The following YTHDC2 variants were observed in gnomAD, a reference collection of about 807,000 sequenced individuals.
The protein encoded by YTHDC2 is YTH N6-methyladenosine RNA binding protein C2, also known as 3'-5' RNA helicase YTHDC2.
In YTHDC2, 45 loss-of-function variants were observed where a neutral mutation model predicts 174.9. The observed-to-expected ratio is 0.26, with a 90% CI of 0.20 to 0.33. The LOEUF (loss-of-function observed/expected upper bound fraction) is 0.33. Among genes scored for constraint, YTHDC2 ranks in the 10% least tolerant of loss-of-function variants. YTHDC2 has a pLI of 1.00. For synonymous variants in YTHDC2, 657 were observed against 574.5 expected (o/e 1.14, Z -2.05); for missense variants, 1,650 against 1,723.7 (o/e 0.96, Z 0.76).
Position 113,563,925 on chromosome 5 carries a change from G to A in YTHDC2, c.2509G>A (p.Val837Ile), listed in dbSNP as rs370741686. 12 of 1,614,060 alleles carry A rather than the reference G, an allele frequency of 7.4e-6. No individual in the cohort carries two copies. In the African/African-American group the frequency reaches 1.3e-4, roughly 18 times the overall value. Residue 837 changes from valine to isoleucine, a missense_variant, in exon 20 of 30, where the codon GTA becomes ATA. Around this residue, in one of 5 missense-constraint regions of YTHDC2, gnomAD observed 913 missense variants for 940.4 expected, o/e 0.97. Coordinates refer to ENST00000161863, the MANE Select transcript of YTHDC2 (RefSeq NM_022828.5). ...ELGYHLADLP[V>I]EPHLGKMVLC... ...TGGGTATCATTTGGCTGACTTGCCA[G>A]TAGAACCACATCTTGGTAAAATGGT...
intron 2 of YTHDC2, 41 bp downstream of exon 2, chr5:113,515,403 T>C (rs1428096843): frequency 5.2e-6 from 8 of 1,536,130 alleles, no homozygotes; most frequent in African/African-American, 2.8e-5. Context: ...AAAAAGATTA[T>C]TTGCCCAAAA....
rs944803772 is a variant in YTHDC2, at chr5:113,542,528, A to G, written c.1495+25A>G. On this transcript the variant is annotated intron_variant, in intron 10 of 29. Coordinates refer to ENST00000161863, the MANE Select transcript of YTHDC2 (RefSeq NM_022828.5). Reference sequence around the variant, plus strand: ...GGTAAGTTTATTTTAATTTTAAAAAATTACCCTTACAGTTATTTATGGTGG... The same window carrying G: ...GGTAAGTTTATTTTAATTTTAAAAAGTTACCCTTACAGTTATTTATGGTGG... 7.6e-6 allele frequency: 12 copies of G among 1,581,114 alleles called. No homozygotes were observed. In the East Asian group the frequency reaches 9.1e-5, roughly 12 times the overall value.
intron 2 of YTHDC2, among the ~76,000 whole-genome samples, chr5:113,518,502 G>A (rs1007864797): frequency 6.6e-6 from 1 of 151,560 alleles, no homozygotes; most frequent in South Asian, 2.1e-4. Context: ...GGGCCCAGCC[G>A]ATTTTTAAAA....
intron 2 of YTHDC2, among the ~76,000 whole-genome samples, chr5:113,516,737 G>T (rs1033050083): frequency 6.6e-6 from 1 of 152,112 alleles, no homozygotes; most frequent in Non-Finnish European, 1.5e-5. Flanking sequence ...ATGTTTTTAG[G>T]TTAGGAAGAG....
At chr5:113,527,667 C>G (rs1223232509) in intron 4 of YTHDC2, among the ~76,000 whole-genome samples, 1 of 152,126 alleles carries the variant, frequency 6.6e-6, no homozygotes, top group Non-Finnish European at 1.5e-5. Flanking sequence ...ACTTGAAGGA[C>G]TTAAACATTT....
intron 4 of YTHDC2, among the ~76,000 whole-genome samples, chr5:113,528,750 C>T (rs916277507): frequency 2.2e-4 from 33 of 152,162 alleles, no homozygotes; most frequent in Non-Finnish European, 5.9e-5. Flanking sequence ...CTCAAGCGAT[C>T]CACCTGCCTT....
At chr5:113,576,104 A>T (rs993221328) in intron 23 of YTHDC2, among the ~76,000 whole-genome samples, 24 of 151,380 alleles carry the variant, frequency 1.6e-4, no homozygotes, top group African/African-American at 9.7e-5. Context: ...CTCTAAGTAA[A>T]TTTTTTTTTA....
intron 19 of YTHDC2, 44 bp from the exon 20 acceptor site, chr5:113,563,815 A>G (rs1182123178): frequency 6.2e-7 from 1 of 1,600,730 alleles, no homozygotes; most frequent in Non-Finnish European, 8.5e-7. Context: ...TTTTGATTAA[A>G]CAGTTTGCTC....
chr5:113,589,404 A>ATAT lies in YTHDC2; in HGVS notation c.3826-1637_3826-1636insTAT, dbSNP rs1437521528. 2.6e-5 allele frequency among the ~76,000 whole-genome samples: 3 copies of ATAT among 114,498 alleles called. No individual in the cohort carries two copies. In the East Asian group the frequency reaches 6.3e-4, roughly 24 times the overall value. The allele number at this position is 114,498 out of a possible 152,430, so 75.1% of individuals were successfully genotyped here. A position where few individuals can be genotyped will look rare whatever the true frequency, so the allele number is the denominator to read the frequency against. On this transcript the variant is annotated intron_variant, in intron 26 of 29. Transcript: ENST00000161863. ...CAAGTCTTTTAAAAATTAAAAAAAAAAAAAATATATATATATATATATATA... is the reference window on the plus strand; with the variant it reads ...CAAGTCTTTTAAAAATTAAAAAAAAATATAAAAATATATATATATATATATATA...
intron 23 of YTHDC2, among the ~76,000 whole-genome samples, chr5:113,570,519 A>T (rs1305840373): frequency 6.6e-6 from 1 of 152,092 alleles, no homozygotes. Flanking sequence ...CATTGATTTT[A>T]TATCCTGAGA....
Position 113,513,984 on chromosome 5 carries a change from G to A in YTHDC2, c.89G>A (p.Gly30Asp). 6.2e-7 allele frequency: 1 copy of A among 1,603,682 alleles called. No homozygotes were observed. The highest frequency in any genetic ancestry group is 8.5e-7 in the Non-Finnish European group (1 of 1,176,022). The change falls in exon 1 of 30, where the codon GGC (glycine) becomes GAC (aspartate). Residue 30 changes from glycine (G) to aspartate (D), a missense_variant. By Grantham distance (94) the Gly-to-Asp change is moderately conservative. Coordinates refer to ENST00000161863, the MANE Select transcript of YTHDC2 (RefSeq NM_022828.5). ...CCCTCGCCTTGTGGCCCTGGGGGCG[G>A]CGGCCGGGCCAAGGGGCTGAAGGAC... is the stretch of plus-strand genomic sequence containing the variant. Reference protein sequence around the residue: ...GGPSPCGPGGGGRAKGLKDIR... With the variant: ...GGPSPCGPGGDGRAKGLKDIR...
At chr5:113,539,443 T>C (rs929749326) in intron 8 of YTHDC2, among the ~76,000 whole-genome samples, 4 of 152,302 alleles carry the variant, frequency 2.6e-5, no homozygotes, top group South Asian at 2.1e-4. Context: ...AGCCACCTTT[T>C]AAGGAGATAG....
chr5:113,518,984 C>A (rs1011327715), intron 2 of YTHDC2, among the ~76,000 whole-genome samples: 3 of 151,914 alleles, frequency 2.0e-5, no homozygotes, highest in African/African-American at 7.3e-5. Flanking sequence ...TAGGCTCAGG[C>A]TTTCCTCGCA....
At chr5:113,540,170 C>T (rs1305608086) in intron 8 of YTHDC2, among the ~76,000 whole-genome samples, 2 of 152,204 alleles carry the variant, frequency 1.3e-5, no homozygotes, top group African/African-American at 4.8e-5. Context: ...CAGGCATGAG[C>T]CACCATGTCC....
intron 17 of YTHDC2, among the ~76,000 whole-genome samples, chr5:113,557,284 A>G (rs1192814862): frequency 1.3e-5 from 2 of 152,176 alleles, no homozygotes; most frequent in Non-Finnish European, 2.9e-5. Context: ...TTTTCAGTAA[A>G]TATTTATCTT....
At chr5:113,557,200 T>C (rs745716438) in intron 17 of YTHDC2, among the ~76,000 whole-genome samples, 26 of 152,204 alleles carry the variant, frequency 1.7e-4, no homozygotes, top group Non-Finnish European at 3.1e-4. Context: ...ATTTTATTTT[T>C]TTTGTAATTT....
At chr5:113,530,017 G>A (rs948041434) in intron 4 of YTHDC2, among the ~76,000 whole-genome samples, 3 of 152,012 alleles carry the variant, frequency 2.0e-5, no homozygotes, top group Admixed American at 6.6e-5. Context: ...GCTCACTGTA[G>A]CCTTGAACTC....
chr5:113,517,188 C>T (rs1561615684), intron 2 of YTHDC2, among the ~76,000 whole-genome samples: 1 of 152,154 alleles, frequency 6.6e-6, no homozygotes, highest in Non-Finnish European at 1.5e-5. Flanking sequence ...AATATTCACA[C>T]TGAGACTATT....
intron 12 of YTHDC2, among the ~76,000 whole-genome samples, chr5:113,551,283 A>G (rs1776235654): frequency 6.6e-6 from 1 of 152,034 alleles, no homozygotes; most frequent in African/African-American, 2.4e-5. Flanking sequence ...AGCTCACTAG[A>G]TACTGCAGGT....
Sources: allele counts gnomAD v4.1 joint callset (sites outside exome capture counted in the v4.1 genomes callset), GRCh38; gene constraint gnomAD v4.1.1; regional missense constraint gnomAD v4.1.1; transcripts MANE v1.5; gene names NCBI Gene and HGNC (gene_info 2026-07-23, HGNC 2026-07-21).